Variants in CFHR5 observed in about 807,000 individuals in gnomAD.
CFHR5 encodes complement factor H-related protein 5.
In CFHR5, 73 loss-of-function variants were observed where a neutral mutation model predicts 62.9. That is an observed-to-expected ratio of 1.16 (90% CI 0.96 to 1.41). The LOEUF (loss-of-function observed/expected upper bound fraction) is 1.41, where lower values mean the gene tolerates loss of function less well. Among genes scored for constraint, CFHR5 ranks in the 40% most tolerant of loss-of-function variants. The pLI is 0.00. For synonymous variants in CFHR5, 249 were observed against 227.2 expected (o/e 1.10, Z -0.86); for missense variants, 779 against 679.9 (o/e 1.15, Z -1.62).
rs369799989 is a variant in CFHR5 at position 196,995,699 on chromosome 1, A to G, written c.608-18A>G. 2.0e-4 allele frequency: 323 copies of G among 1,603,746 alleles called. No individual in the cohort carries two copies. Among genetic ancestry groups the G allele is most frequent in the Non-Finnish European group, 2.5e-4 (295 of 1,170,934 alleles). On this transcript the variant is annotated intron_variant, in intron 4 of 9. Transcript: ENST00000256785. ...TTATAAGACCATTTAAGCATTATTT[A>G]TGGTTTCTTTATAATAGGACAAGTA...
intron 1 of CFHR5, 35 bp from the exon 2 acceptor site, chr1:196,982,850 T>C (rs1267439665): frequency 6.4e-7 from 1 of 1,569,808 alleles, no homozygotes. Flanking sequence ...TGTAGCTCTT[T>C]ATTTAATTCT....
intron 7 of CFHR5, among the ~76,000 whole-genome samples, chr1:197,000,944 T>C (rs949413674): frequency 2.0e-5 from 3 of 152,282 alleles, no homozygotes; most frequent in South Asian, 4.1e-4. Context: ...GTGCCTGATA[T>C]CCTCTTTTCA....
At chr1:197,003,993 A>T (rs182727684) in intron 8 of CFHR5, among the ~76,000 whole-genome samples, 1 of 152,284 alleles carries the variant, frequency 6.6e-6, no homozygotes, top group Admixed American at 6.5e-5. Flanking sequence ...ACAGTAACTC[A>T]ATGAAACTAG....
At chr1:196,981,269 G>A (rs78391061) in intron 1 of CFHR5, among the ~76,000 whole-genome samples, 2,050 of 152,072 alleles carry the variant, frequency 0.013, 40 homozygotes, top group African/African-American at 0.045. Flanking sequence ...GAAATATCTC[G>A]AGCTAAAACA....
intron 4 of CFHR5, 131 bp from the exon 5 acceptor site, chr1:196,995,586 A>T: frequency 4.0e-6 from 3 of 759,208 alleles, no homozygotes; most frequent in Admixed American, 4.2e-5. Flanking sequence ...GTACACTGCA[A>T]AAAACACATG....
intron 3 of CFHR5, among the ~76,000 whole-genome samples, chr1:196,991,613 C>A (rs891678678): frequency 1.3e-5 from 2 of 152,178 alleles, no homozygotes; most frequent in African/African-American, 2.4e-5. Context: ...TTCCTTCTAA[C>A]AATCAGGTCC....
rs532404229 is a variant in CFHR5, at chr1:197,001,148, A to T, written c.1148-1334A>T. Reference sequence around the variant, plus strand: ...ATCTGGAACTAAGTACTTTAAGTTCACGCTTTTCTTAAACCAGTAAATAAG... The same window carrying T: ...ATCTGGAACTAAGTACTTTAAGTTCTCGCTTTTCTTAAACCAGTAAATAAG... On this transcript the variant is annotated intron_variant, in intron 7 of 9. Coordinates refer to ENST00000256785, the MANE Select transcript of CFHR5 (RefSeq NM_030787.4). Among the ~76,000 whole-genome samples the T allele has an allele frequency of 1.1e-4, 16 of 152,306 alleles. No homozygotes were observed. In the South Asian group the frequency reaches 1.4e-3, roughly 14 times the overall value.
chr1:196,983,737 T>A (rs1354182800), intron 2 of CFHR5, among the ~76,000 whole-genome samples: 1 of 152,104 alleles, frequency 6.6e-6, no homozygotes, highest in East Asian at 1.9e-4. Context: ...AAGATTTTTA[T>A]TATAAAAACC....
intron 1 of CFHR5, among the ~76,000 whole-genome samples, chr1:196,978,543 G>T (rs1020592380): frequency 7.9e-5 from 12 of 152,096 alleles, no homozygotes; most frequent in African/African-American, 2.9e-4. Context: ...AATGTTTACA[G>T]ATCTTTAAAT....
chr1:196,975,836 T>C (rs576580413), upstream of CFHR5, among the ~76,000 whole-genome samples: 7 of 152,298 alleles, frequency 4.6e-5, no homozygotes, highest in Non-Finnish European at 7.4e-5. Flanking sequence ...GAGAATTTAT[T>C]TGCAAAGGAT....
chr1:197,005,270 G>T (rs1451001947), intron 9 of CFHR5, among the ~76,000 whole-genome samples: 2 of 152,108 alleles, frequency 1.3e-5, no homozygotes, highest in South Asian at 4.1e-4. Flanking sequence ...ACACCTAGTT[G>T]ACTAATACTG....
intron 8 of CFHR5, 67 bp from the exon 9 acceptor site, chr1:197,004,594 T>A: frequency 8.3e-7 from 1 of 1,203,262 alleles, no homozygotes; most frequent in Non-Finnish European, 1.2e-6. Flanking sequence ...ATATGATACA[T>A]GATGCTTCAT....
rs961576488 is a variant in CFHR5, at chr1:196,986,477, G to A, written c.430+2340G>A. ...ATTGGTTTGCTGCACCCATTAACTC[G>A]TGATTTACATTATGTATTTTGCCTA... On this transcript the variant is annotated intron_variant, in intron 3 of 9. Coordinates refer to ENST00000256785, the MANE Select transcript of CFHR5 (RefSeq NM_030787.4). 2.6e-5 allele frequency among the ~76,000 whole-genome samples: 4 copies of A among 151,948 alleles called. No individual in the cohort carries two copies. The South Asian group carries it at 6.2e-4, about 24-fold the overall frequency.
chr1:196,986,351 C>T (rs1653681269), intron 3 of CFHR5, among the ~76,000 whole-genome samples: 1 of 151,552 alleles, frequency 6.6e-6, no homozygotes, highest in Non-Finnish European at 1.5e-5. Context: ...CCTACATTGG[C>T]CAAGATCGAT....
At chr1:196,981,454 TA>T (rs200594019) in intron 1 of CFHR5, among the ~76,000 whole-genome samples, 2 of 151,584 alleles carry the variant, frequency 1.3e-5, no homozygotes, top group Non-Finnish European at 2.9e-5. Flanking sequence ...AATTTTACAG[TA>T]AAAAAACTGT....
chr1:196,992,098 G>A (rs1025853018), intron 3 of CFHR5, among the ~76,000 whole-genome samples: 2 of 152,148 alleles, frequency 1.3e-5, no homozygotes, highest in African/African-American at 4.8e-5. Context: ...CAGCATTGGC[G>A]GACGCCCCTC....
In CFHR5 at chr1:197,002,616, G is replaced by T. The variant is rs1357268293; in HGVS notation, c.1282G>T (p.Glu428Ter). ...AAACTATCTACTTCCAGAAGCAAAA[G>T]AAATTGTATGTAAAGATGGACGATG... ...KENYLLPEAK[E>*]IVCKDGRWQS... The change falls in exon 8 of 10, where the codon GAA becomes TAA. Residue 428 changes from glutamate to a stop codon, truncating the protein, a stop_gained. Coordinates refer to ENST00000256785, the MANE Select transcript of CFHR5 (RefSeq NM_030787.4). LOFTEE classifies it high-confidence loss of function. 6.2e-7 allele frequency: 1 copy of T among 1,613,628 alleles called. No homozygotes were observed.
intron 8 of CFHR5, 68 bp downstream of exon 8, chr1:197,002,732 G>C: frequency 7.6e-7 from 1 of 1,313,236 alleles, no homozygotes; most frequent in East Asian, 2.4e-5. Context: ...TTTATCTAAA[G>C]AAAGAAACAA....
rs768486746 is a variant in CFHR5, at chr1:196,995,901, T to C, written c.790+2T>C. On this transcript the variant is annotated splice_donor_variant, in intron 5 of 9. Coordinates refer to ENST00000256785, the MANE Select transcript of CFHR5 (RefSeq NM_030787.4). LOFTEE classifies it high-confidence loss of function. Reference sequence around the variant, plus strand: ...GGACAACTTTACCCACTTGTGTTGGTAAATAAATATTAACATTTAAACAGG... The same window carrying C: ...GGACAACTTTACCCACTTGTGTTGGCAAATAAATATTAACATTTAAACAGG... 3 of 1,610,964 alleles carry C rather than the reference T, an allele frequency of 1.9e-6. No homozygotes were observed. The highest frequency in any genetic ancestry group is 8.5e-7 in the Non-Finnish European group (1 of 1,177,330).
Sources: gnomAD v4.1 joint callset for allele counts (sites outside exome capture counted in the v4.1 genomes callset) on GRCh38, gnomAD v4.1.1 for gene constraint, MANE v1.5 for transcripts, NCBI Gene and HGNC (gene_info 2026-07-23, HGNC 2026-07-21) for gene names.